The following GPR160 variants were observed in gnomAD, a reference collection of about 807,000 sequenced individuals.
The protein encoded by GPR160 is probable G protein-coupled receptor 160.
GPR160 carries 2 observed loss-of-function variants against 2.6 expected under a neutral mutation model. The ratio of observed to expected loss-of-function variants is 0.77; its 90% CI spans 0.32 to 2.44. The LOEUF (loss-of-function observed/expected upper bound fraction) is 2.44, where lower values mean the gene tolerates loss of function less well. Ranked by LOEUF, GPR160 falls within the 30% of genes most tolerant of loss-of-function variation. The pLI, the probability that GPR160 is intolerant of heterozygous loss-of-function variation, is 0.11. For missense variants in GPR160, 351 were observed against 383.6 expected, an observed-to-expected ratio of 0.91 and a Z score of 0.71; for synonymous variants, 130 against 132.2, an observed-to-expected ratio of 0.98 and a Z score of 0.12.
chr3:170,059,354 C>G (rs1711819270), intron 2 of GPR160, among the ~76,000 whole-genome samples: 1 of 152,030 alleles, frequency 6.6e-6, no homozygotes, highest in Admixed American at 6.5e-5. Context: ...ATTCAGATAA[C>G]TTTATAACAG....
intron 2 of GPR160, among the ~76,000 whole-genome samples, chr3:170,071,405 G>T (rs1044924961): frequency 4.6e-5 from 7 of 152,126 alleles, no homozygotes; most frequent in Admixed American, 3.3e-4. Context: ...TTTGCCTTCC[G>T]CCATGGTTGT....
rs375617263 is a variant in GPR160, at chr3:170,084,232, T to G, written c.260T>G (p.Ile87Ser). ...TTCAGGGATTTTGTACTTTTAAGCA[T>G]TAGGTTCACTAAATACCACATCTGC... is the stretch of plus-strand genomic sequence containing the variant. ...LYFRDFVLLS[I>S]RFTKYHICLF... Residue 87 changes from isoleucine to serine, a missense_variant, in exon 4 of 4, where the codon ATT (isoleucine) becomes AGT (serine). Ile to Ser is a moderately radical substitution (Grantham distance 142, BLOSUM62 -2). Transcript: ENST00000355897. 2 of 1,605,782 alleles carry G rather than the reference T, an allele frequency of 1.2e-6. No individual in the cohort carries two copies. The highest frequency in any genetic ancestry group is 1.7e-6 in the Non-Finnish European group (2 of 1,174,614).
chr3:170,059,596 G>C (rs905589070), intron 2 of GPR160, among the ~76,000 whole-genome samples: 1 of 152,134 alleles, frequency 6.6e-6, no homozygotes, highest in African/African-American at 2.4e-5. Flanking sequence ...TCAATCACAG[G>C]AGTTGGAGTC....
At chr3:170,068,814 ATTTG>A (rs200924540) in intron 2 of GPR160, among the ~76,000 whole-genome samples, 3 of 151,750 alleles carry the variant, frequency 2.0e-5, no homozygotes, top group East Asian at 3.9e-4. Flanking sequence ...CTGCTTGTGG[ATTTG>A]TTTAACTTTC....
At chr3:170,082,126 AAAAG>A (rs1285408512) in intron 3 of GPR160, among the ~76,000 whole-genome samples, 1 of 152,200 alleles carries the variant, frequency 6.6e-6, no homozygotes, top group Non-Finnish European at 1.5e-5. Flanking sequence ...AAGTTTGGGA[AAAAG>A]AAAGTATACT....
Position 170,084,248 on chromosome 3 carries a change from C to A in GPR160, c.276C>A (p.Tyr92Ter). The change falls in exon 4 of 4, where the codon TAC (tyrosine) becomes TAA (stop). Residue 92 changes from tyrosine (Y) to a stop codon, truncating the protein, a stop_gained. Transcript: ENST00000355897. LOFTEE classifies it low-confidence loss of function (END_TRUNC). ...FVLLSIRFTKYHICLFTQIIS... is the reference protein window; with the variant it reads ...FVLLSIRFTK The stretch of plus-strand genomic sequence containing the variant: ...TTTTAAGCATTAGGTTCACTAAATA[C>A]CACATCTGCCTATTTACTCAAATTA... The A allele has an allele frequency of 1.2e-6, 2 of 1,605,998 alleles. No individual in the cohort carries two copies. Among genetic ancestry groups the A allele is most frequent in the Non-Finnish European group, 1.7e-6 (2 of 1,173,758 alleles).
chr3:170,084,690 T>C lies in GPR160; in HGVS notation c.718T>C (p.Phe240Leu). Residue 240 changes from phenylalanine to leucine, a missense_variant, in exon 4 of 4, where the codon TTC (phenylalanine) becomes CTC (leucine). Transcript: ENST00000355897. Reference protein sequence around the residue: ...SSYTVRSKKIFLSKLIVCFLS... With the variant: ...SSYTVRSKKILLSKLIVCFLS... Reference sequence around the variant, plus strand: ...TTATACTGTGAGATCTAAAAAAATATTCTTATCCAAGCTCATTGTCTGTTT... The same window carrying C: ...TTATACTGTGAGATCTAAAAAAATACTCTTATCCAAGCTCATTGTCTGTTT... 6.2e-7 allele frequency: 1 copy of C among 1,612,442 alleles called. No homozygotes were observed. The highest frequency in any genetic ancestry group is 8.5e-7 in the Non-Finnish European group (1 of 1,178,784).
chr3:170,084,352 C>T lies in GPR160; in HGVS notation c.380C>T (p.Thr127Ile). ...GATTATTGCCTGAATTTCTCTAAAA[C>T]AACCAAGCTTTCATTTAAGTGTCAA... The part of the protein sequence containing the change: ...CIDYCLNFSK[T>I]TKLSFKCQKL... Residue 127 changes from threonine to isoleucine, a missense_variant, in exon 4 of 4, where the codon ACA (threonine) becomes ATA (isoleucine). Transcript: ENST00000355897. 1 of 1,609,034 alleles carries T rather than the reference C, an allele frequency of 6.2e-7. No homozygotes were observed. The highest frequency in any genetic ancestry group is 1.3e-5 in the African/African-American group (1 of 74,820).
intron 2 of GPR160, among the ~76,000 whole-genome samples, chr3:170,041,365 G>T (rs1490213058): frequency 6.8e-6 from 1 of 146,146 alleles, no homozygotes; most frequent in Non-Finnish European, 1.5e-5. Context: ...GCAGTGGCGT[G>T]ATCTCGGCTC....
chr3:170,057,805 G>C (rs1020850586), intron 2 of GPR160: 1 of 152,284 alleles, frequency 6.6e-6, no homozygotes, highest in Non-Finnish European at 1.5e-5. Flanking sequence ...TTTGAGACCT[G>C]GTTTGGAAGA....
chr3:170,072,028 C>T (rs1430654601), intron 2 of GPR160, among the ~76,000 whole-genome samples: 1 of 149,472 alleles, frequency 6.7e-6, no homozygotes, highest in Non-Finnish European at 1.5e-5. Context: ...ACTCTGGGGC[C>T]ATTGGTGAAT....
intron 2 of GPR160, among the ~76,000 whole-genome samples, chr3:170,078,506 A>G (rs1712974605): frequency 6.6e-6 from 1 of 152,220 alleles, no homozygotes; most frequent in African/African-American, 2.4e-5. Flanking sequence ...GCAATCGGGT[A>G]CATGAACCCA....
At chr3:170,073,705 C>T (rs1712710550) in intron 2 of GPR160, among the ~76,000 whole-genome samples, 1 of 152,012 alleles carries the variant, frequency 6.6e-6, no homozygotes, top group Non-Finnish European at 1.5e-5. Flanking sequence ...TATTAGTTTT[C>T]TTGAAATGTC....
rs768660597 is a variant in GPR160, at chr3:170,066,130, C to CTTTTTTTTTTTTTTT, written c.-192-13630_-192-13616dup. Among the ~76,000 whole-genome samples, 34 of 85,174 alleles carry CTTTTTTTTTTTTTTT rather than the reference C, an allele frequency of 4.0e-4. 2 individuals carry two copies. Among genetic ancestry groups the CTTTTTTTTTTTTTTT allele is most frequent in the Admixed American group, 4.6e-4 (3 of 6,464 alleles). The allele number at this position is 85,174 out of a possible 152,430, so 55.9% of individuals were successfully genotyped here. A position where few individuals can be genotyped will look rare whatever the true frequency, so the allele number is the denominator to read the frequency against. On this transcript the variant is annotated intron_variant, in intron 2 of 3. Coordinates refer to ENST00000355897, the MANE Select transcript of GPR160 (RefSeq NM_014373.3). ...ACTTGACACTATTCTTTTTCTTTTT[C>CTTTTTTTTTTTTTTT]TTTTTTTTTTTTTTTTTTTTTTTTT...
At chr3:170,044,413 T>C (rs1337426386) in intron 2 of GPR160, among the ~76,000 whole-genome samples, 3 of 151,950 alleles carry the variant, frequency 2.0e-5, no homozygotes, top group Admixed American at 1.3e-4. Context: ...AGTGCTTCTC[T>C]GTCAGACGAA....
chr3:170,056,740 G>T (rs1237939275), intron 2 of GPR160, among the ~76,000 whole-genome samples: 1 of 152,178 alleles, frequency 6.6e-6, no homozygotes, highest in Non-Finnish European at 1.5e-5. Context: ...ACAGAATCAC[G>T]TGAAGGCTAA....
chr3:170,073,616 C>CTT (rs1712706068), intron 2 of GPR160, among the ~76,000 whole-genome samples: 2 of 152,044 alleles, frequency 1.3e-5, no homozygotes, highest in Admixed American at 1.3e-4. Context: ...TTCCATTGGC[C>CTT]ATGATGTATT....
In GPR160 at chr3:170,084,979, T is replaced by C. The variant is rs1713352964; in HGVS notation, c.1007T>C (p.Met336Thr). The change falls in exon 4 of 4, where the codon ATG becomes ACG. Residue 336 changes from methionine to threonine, a missense_variant. By Grantham distance (81) the Met-to-Thr change is moderately conservative. Transcript: ENST00000355897. The stretch of plus-strand genomic sequence containing the variant: ...CAAATTGAAAAGCCTATATCAATAA[T>C]GATTTGTTAATATTATTAATTAAAA... ...LEQIEKPISI[M>T]IC 1.4e-6 allele frequency: 2 copies of C among 1,475,498 alleles called. No individual in the cohort carries two copies. The highest frequency in any genetic ancestry group is 1.3e-5 in the South Asian group (1 of 76,240). 91.4% of individuals were successfully genotyped at this position (1,475,498 alleles called of 1,614,324 possible).
intron 2 of GPR160, among the ~76,000 whole-genome samples, chr3:170,060,780 CTAA>C (rs1711897438): frequency 6.6e-6 from 1 of 151,708 alleles, no homozygotes; most frequent in Non-Finnish European, 1.5e-5. Context: ...CAAAATAATA[CTAA>C]TAATAAAAAG....
Sources: allele counts gnomAD v4.1 joint callset (sites outside exome capture counted in the v4.1 genomes callset), GRCh38; gene constraint gnomAD v4.1.1; transcripts MANE v1.5; gene names NCBI Gene and HGNC (gene_info 2026-07-23, HGNC 2026-07-21).